Variants in NME9 observed in about 807,000 individuals in gnomAD.
The protein encoded by NME9 is NME/NM23 family member 9.
In NME9, 48 loss-of-function variants were observed where a neutral mutation model predicts 44.4. That is an observed-to-expected ratio of 1.08 (90% CI 0.86 to 1.37). The LOEUF (loss-of-function observed/expected upper bound fraction) is 1.37, where lower values mean the gene tolerates loss of function less well. Ranked by LOEUF, NME9 falls within the 40% of genes most tolerant of loss-of-function variation. The pLI is 0.00. For synonymous variants in NME9, 139 were observed against 147.1 expected (o/e 0.94, Z 0.40); for missense variants, 325 against 405.2 (o/e 0.80, Z 1.70).
At chr3:138,268,923 C>A (rs1433780957) in intron 8 of NME9, among the ~76,000 whole-genome samples, 2 of 152,034 alleles carry the variant, frequency 1.3e-5, no homozygotes, top group Non-Finnish European at 2.9e-5. Flanking sequence ...TATTACCTTT[C>A]CTGAATTTGG....
chr3:138,263,498 A>T (rs2047956691), intron 8 of NME9: 1 of 522,830 alleles, frequency 1.9e-6, no homozygotes, highest in Non-Finnish European at 3.5e-6. Context: ...AAATGTCTTT[A>T]AAAATAAACA....
chr3:138,286,592 G>A (rs2050439384), intron 8 of NME9, among the ~76,000 whole-genome samples: 1 of 152,086 alleles, frequency 6.6e-6, no homozygotes, highest in Admixed American at 6.5e-5. Context: ...TGTACAATAG[G>A]ACCTCGTAGG....
At chr3:138,270,196 A>G in intron 8 of NME9, 1 of 1,227,244 alleles carries the variant, frequency 8.1e-7, no homozygotes, top group South Asian at 1.3e-5. Context: ...CTAAGTTAGA[A>G]CTATAATGTG....
rs567056145 is a variant in NME9, at chr3:138,317,009, A to G, written c.267+1139T>C. Among the ~76,000 whole-genome samples the G allele has an allele frequency of 1.1e-3, 164 of 152,302 alleles. 1 individual carries two copies. In the Middle Eastern group the frequency reaches 0.014, roughly 13 times the overall value. ...TCCTTCCATTTCCATCCCATTCCTC[A>G]GTGGGCCACCATAGGGTTGAAGATT... is the stretch of plus-strand genomic sequence containing the variant. On this transcript the variant is annotated intron_variant, in intron 4 of 10. Coordinates refer to ENST00000333911, the MANE Select transcript of NME9 (RefSeq NM_001349018.2).
chr3:138,276,064 C>G (rs1257442768), intron 8 of NME9, among the ~76,000 whole-genome samples: 1 of 152,034 alleles, frequency 6.6e-6, no homozygotes, highest in Non-Finnish European at 1.5e-5. Flanking sequence ...AAAAGCGAAG[C>G]AAGACAGAAA....
intron 8 of NME9, among the ~76,000 whole-genome samples, chr3:138,270,990 A>C (rs930339552): frequency 1.3e-5 from 2 of 152,158 alleles, no homozygotes; most frequent in Admixed American, 6.5e-5. Flanking sequence ...TTCACTTTAC[A>C]AATGGGAAAC....
In NME9 at chr3:138,262,282, A is replaced by G. The variant is rs950575407; in HGVS notation, c.*258T>C. On this transcript the variant is annotated 3_prime_UTR_variant, in exon 9 of 9. Transcript: ENST00000317876. ...CAATGAGGACAGAGAGTGATTGTGC[A>G]TATCAGTAAGAATGGAATTAGGTTT... 21 of 428,524 alleles carry G rather than the reference A, an allele frequency of 4.9e-5. No individual in the cohort carries two copies. The Middle Eastern group carries it at 2.6e-3, about 53-fold the overall frequency. The allele number at this position is 428,524 out of a possible 1,614,324, so 26.5% of individuals were successfully genotyped here.
At chr3:138,318,107 T>C in intron 4 of NME9, 41 bp downstream of exon 4, 1 of 1,226,748 alleles carries the variant, frequency 8.2e-7, no homozygotes, top group South Asian at 1.2e-5. Context: ...CTCTAATGAT[T>C]TGCAATCGTC....
rs2050232291 is a variant in NME9 at position 138,284,634 on chromosome 3, C to T, written c.745+18873G>A. On this transcript the variant is annotated intron_variant, in intron 8 of 8. Coordinates refer to the NME9 transcript ENST00000317876. ...TTAAAAAGAGGAAAAGAATAGATTA[C>T]TCTGTGACTCCTCAGATTCAAAGAA... 8.9e-6 allele frequency: 7 copies of T among 786,052 alleles called. 1 individual carries two copies. In the Admixed American group the frequency reaches 1.3e-4, roughly 15 times the overall value. 48.7% of individuals were successfully genotyped at this position (786,052 alleles called of 1,614,324 possible).
chr3:138,326,910 G>A (rs555927860), intron 1 of NME9: 4 of 150,326 alleles, frequency 2.7e-5, no homozygotes, highest in Admixed American at 2.0e-4. Context: ...TGGAGGCCAG[G>A]GCGGGCAGAT....
intron 8 of NME9, chr3:138,287,680 A>C (rs1284492466): frequency 8.8e-6 from 4 of 456,576 alleles, no homozygotes; most frequent in African/African-American, 8.0e-5. Context: ...TTAGAAGAAG[A>C]AAGAATCACT....
rs192337251 is a variant in NME9, at chr3:138,271,950, C to G, written c.746-9364G>C. On this transcript the variant is annotated intron_variant, in intron 8 of 8. Transcript: ENST00000317876. ...AGCTGGGATTACAGGCGTGTGCCAC[C>G]ACACCTGGCTATACAAGAGATTTTT... Among the ~76,000 whole-genome samples the G allele has an allele frequency of 4.8e-3, 732 of 151,872 alleles. 27 individuals carry two copies. The South Asian group carries it at 0.082, about 17-fold the overall frequency.
rs1009592395 is a variant in NME9 at position 138,274,396 on chromosome 3, C to T, written c.746-11810G>A. 1.6e-5 allele frequency: 19 copies of T among 1,205,002 alleles called. 1 individual carries two copies. The highest frequency in any genetic ancestry group is 3.7e-5 in the Admixed American group (2 of 54,378). The allele number at this position is 1,205,002 out of a possible 1,614,324, so 74.6% of individuals were successfully genotyped here. A position where few individuals can be genotyped will look rare whatever the true frequency, so the allele number is the denominator to read the frequency against. On this transcript the variant is annotated intron_variant, in intron 8 of 8. Transcript: ENST00000317876. Reference sequence around the variant, plus strand: ...TTTTAACTTTTAGAAGCCTTGTATTCGTCCTGTGGTCTTTGTTTCTTTGAT... The same window carrying T: ...TTTTAACTTTTAGAAGCCTTGTATTTGTCCTGTGGTCTTTGTTTCTTTGAT...
At chr3:138,304,218 C>G (rs1373857782) in intron 9 of NME9, among the ~76,000 whole-genome samples, 2 of 152,190 alleles carry the variant, frequency 1.3e-5, no homozygotes, top group Non-Finnish European at 2.9e-5. Flanking sequence ...CTTTCACTAG[C>G]CCAGCCTGCC....
chr3:138,273,821 CTTT>C (rs764799623), intron 8 of NME9, among the ~76,000 whole-genome samples: 1 of 145,202 alleles, frequency 6.9e-6, no homozygotes. Flanking sequence ...ATGCTTCCCC[CTTT>C]TTTTTTTTTT....
chr3:138,318,044 C>G, intron 4 of NME9, 104 bp downstream of exon 4: 1 of 768,324 alleles, frequency 1.3e-6, no homozygotes, highest in Admixed American at 1.9e-5. Context: ...CTTGGTGGTT[C>G]CCATTAATTC....
At chr3:138,283,457 A>C (rs2050126070) in intron 8 of NME9, among the ~76,000 whole-genome samples, 2 of 152,108 alleles carry the variant, frequency 1.3e-5, no homozygotes, top group African/African-American at 4.8e-5. Context: ...CTCTTTCTTC[A>C]TGCCTTCTCT....
chr3:138,291,070 A>G (rs1041331540), intron 8 of NME9, among the ~76,000 whole-genome samples: 1 of 152,230 alleles, frequency 6.6e-6, no homozygotes, highest in Middle Eastern at 3.2e-3. Flanking sequence ...ACTGTCCTCA[A>G]AGAGCTCATC....
intron 10 of NME9, among the ~76,000 whole-genome samples, chr3:138,302,187 G>A (rs2051894284): frequency 2.0e-5 from 3 of 152,164 alleles, no homozygotes; most frequent in Admixed American, 2.0e-4. Flanking sequence ...CCAAAGCTGA[G>A]AGACAGTGAC....
Sources: gnomAD v4.1 joint callset for allele counts (sites outside exome capture counted in the v4.1 genomes callset) on GRCh38, gnomAD v4.1.1 for gene constraint, MANE v1.5 for transcripts, NCBI Gene and HGNC (gene_info 2026-07-23, HGNC 2026-07-21) for gene names.